The following SPG11 variants were observed in gnomAD, a reference collection of about 807,000 sequenced individuals.
SPG11 encodes SPG11 vesicle trafficking associated, spatacsin, also known as spatacsin.
Under a neutral mutation model 274.0 loss-of-function variants are expected in SPG11, and 222 were observed. The ratio of observed to expected loss-of-function variants is 0.81; its 90% CI spans 0.73 to 0.91. The LOEUF is 0.91. Among genes scored for constraint, SPG11 ranks in the 40% least tolerant of loss-of-function variants. The probability of loss-of-function intolerance (pLI) is 0.00; values close to 1 mark genes in which losing one functional copy is unlikely to be tolerated. For synonymous variants in SPG11, 1,144 were observed against 1,039.7 expected, an observed-to-expected ratio of 1.10 and a Z score of -1.93; for missense variants, 3,114 against 2,872.7, an observed-to-expected ratio of 1.08 and a Z score of -1.92.
In SPG11 at chr15:44,570,434, C is replaced by G. The variant is rs557613710; in HGVS notation, c.6477+91G>C. 7.8e-6 allele frequency: 12 copies of G among 1,545,142 alleles called. No homozygotes were observed. The South Asian group carries it at 1.2e-4, about 15-fold the overall frequency. On this transcript the variant is annotated intron_variant, in intron 34 of 39. Coordinates refer to ENST00000261866, the MANE Select transcript of SPG11 (RefSeq NM_025137.4). ...GTATCCAGATGGGCAGAACCCCCTA[C>G]GACTACATCAGCTCTGGGCTGGCTC...
intron 7 of SPG11, among the ~76,000 whole-genome samples, chr15:44,636,218 G>A (rs2141064008): frequency 6.6e-6 from 1 of 151,906 alleles, no homozygotes; most frequent in Admixed American, 6.6e-5. Flanking sequence ...ACAAACCTAG[G>A]GTCCATGTGA....
intron 30 of SPG11, 43 bp downstream of exon 30, chr15:44,583,771 A>G: frequency 6.2e-7 from 1 of 1,613,610 alleles, no homozygotes; most frequent in Non-Finnish European, 8.5e-7. Context: ...CAGTGCTAAC[A>G]GTGCCATTTA....
At chr15:44,644,156 G>A (rs1430144761) in intron 7 of SPG11, among the ~76,000 whole-genome samples, 1 of 143,080 alleles carries the variant, frequency 7.0e-6, no homozygotes, top group African/African-American at 2.6e-5. Context: ...AACAGAGCAA[G>A]ACTCCATCTC....
chr15:44,580,285 G>A (rs1224461236), intron 30 of SPG11, among the ~76,000 whole-genome samples: 1 of 152,176 alleles, frequency 6.6e-6, no homozygotes. Context: ...TAGTATAGGT[G>A]TGTAGAAGTC....
intron 11 of SPG11, among the ~76,000 whole-genome samples, chr15:44,623,387 A>G (rs933793056): frequency 6.6e-5 from 10 of 152,190 alleles, no homozygotes; most frequent in African/African-American, 2.2e-4. Flanking sequence ...TGGTATGCTG[A>G]TTCAAGTGGA....
chr15:44,626,474 T>C lies in SPG11; in HGVS notation c.2101A>G (p.Ile701Val). 4 of 1,614,016 alleles carry C rather than the reference T, an allele frequency of 2.5e-6. No homozygotes were observed. The highest frequency in any genetic ancestry group is 3.4e-6 in the Non-Finnish European group (4 of 1,179,982). ...CTGAAGAAAGTCTGTGCCTCTGGTA[T>C]TTTGTTGTTTAAAATGGCGCTGGCA... The part of the protein sequence containing the change: ...VIASAILNNK[I>V]PEAQTFFRID... The change falls in exon 11 of 40, where the codon ATA becomes GTA. Residue 701 changes from isoleucine to valine, a missense_variant. Ile to Val is a conservative substitution (Grantham distance 29). Transcript: ENST00000261866.
intron 23 of SPG11, chr15:44,597,215 G>A (rs748659931): frequency 1.3e-4 from 44 of 342,320 alleles, no homozygotes; most frequent in Non-Finnish European, 1.8e-4. Flanking sequence ...CTGGGTTCAA[G>A]CAGTTCTCCT....
intron 35 of SPG11, 29 bp from the exon 36 acceptor site, chr15:44,567,621 G>A (rs771177937): frequency 3.1e-6 from 5 of 1,613,450 alleles, no homozygotes; most frequent in Non-Finnish European, 3.4e-6. Flanking sequence ...AAAAAGCAAG[G>A]TGTCAGTCAG....
rs575360392 is a variant in SPG11, at chr15:44,585,549, C to T, written c.5121+87G>A. ...CCCGAGAGGCGGAGCTTGCAGCGAGCGGAGATCGCGCCACTGCACTCCAGC... is the reference window on the plus strand; with the variant it reads ...CCCGAGAGGCGGAGCTTGCAGCGAGTGGAGATCGCGCCACTGCACTCCAGC... On this transcript the variant is annotated intron_variant, in intron 29 of 39. Transcript: ENST00000261866. 4.9e-5 allele frequency: 53 copies of T among 1,088,152 alleles called. 1 individual carries two copies. Among genetic ancestry groups the T allele is most frequent in the Middle Eastern group, 5.9e-4 (2 of 3,362 alleles). 67.4% of individuals were successfully genotyped at this position (1,088,152 alleles called of 1,614,324 possible).
chr15:44,577,771 C>G (rs1235312669), intron 30 of SPG11, among the ~76,000 whole-genome samples: 1 of 152,066 alleles, frequency 6.6e-6, no homozygotes, highest in African/African-American at 2.4e-5. Context: ...CATTATCCCC[C>G]CTCTAGCAAG....
At chr15:44,569,718 CTTTT>C (rs1047071923) in intron 34 of SPG11, among the ~76,000 whole-genome samples, 2 of 138,368 alleles carry the variant, frequency 1.4e-5, no homozygotes, top group African/African-American at 2.6e-5. Flanking sequence ...ACTGGCTGTT[CTTTT>C]TTTTTTTTTT....
chr15:44,605,348 C>T (rs78981449), intron 20 of SPG11, among the ~76,000 whole-genome samples: 2,309 of 152,216 alleles, frequency 0.015, 35 homozygotes, highest in Middle Eastern at 0.031. Flanking sequence ...AAAACACATA[C>T]ATTAAGAAAT....
chr15:44,630,683 G>A (rs1252200138), intron 8 of SPG11, among the ~76,000 whole-genome samples: 3 of 152,076 alleles, frequency 2.0e-5, no homozygotes, highest in Non-Finnish European at 2.9e-5. Flanking sequence ...CCCTTCAAGC[G>A]ATTCTCCTGC....
At chr15:44,606,172 A>G in intron 19 of SPG11, 81 bp from the exon 20 acceptor site, 1 of 1,240,520 alleles carries the variant, frequency 8.1e-7, no homozygotes, top group Non-Finnish European at 1.2e-6. Context: ...AAAGGACTTC[A>G]GAGGTAGTCT....
At chr15:44,580,449 ATC>A (rs2082636496) in intron 30 of SPG11, among the ~76,000 whole-genome samples, 1 of 152,206 alleles carries the variant, frequency 6.6e-6, no homozygotes, top group African/African-American at 2.4e-5. Flanking sequence ...AACAGAAATT[ATC>A]CAATCTGAAC....
At chr15:44,571,121 A>G (rs1030719929) in intron 33 of SPG11, among the ~76,000 whole-genome samples, 1 of 152,084 alleles carries the variant, frequency 6.6e-6, no homozygotes, top group Non-Finnish European at 1.5e-5. Flanking sequence ...TACTACAATC[A>G]CTGTAAGCAC....
chr15:44,630,237 C>T (rs1190551287), intron 8 of SPG11, among the ~76,000 whole-genome samples: 2 of 152,102 alleles, frequency 1.3e-5, no homozygotes, highest in Non-Finnish European at 2.9e-5. Flanking sequence ...CCTCCCGCTG[C>T]CCCCCGTGGA....
At position 44,629,287 on chromosome 15, in the gene SPG11, G is replaced by C. The variant is rs1342685259; in HGVS notation, c.1837C>G (p.Leu613Val). Residue 613 changes from leucine to valine, a missense_variant, in exon 9 of 40, where the codon CTT (leucine) becomes GTT (valine). Coordinates refer to ENST00000261866, the MANE Select transcript of SPG11 (RefSeq NM_025137.4). ...SKHFSEQLLN[L>V]TLSFLNNQIK... ...TGGTTGTTAAGGAAAGACAGTGTAA[G>C]ATTAAGCAATTGTTCTGAAAAGTGT... The C allele has an allele frequency of 2.5e-6, 4 of 1,613,968 alleles. No homozygotes were observed. The Admixed American group carries it at 6.7e-5, about 27-fold the overall frequency.
At chr15:44,613,251 G>A (rs1270674150) in intron 17 of SPG11, among the ~76,000 whole-genome samples, 179 bp downstream of exon 17, 1 of 152,188 alleles carries the variant, frequency 6.6e-6, no homozygotes, top group African/African-American at 2.4e-5. Context: ...TTGGCTGGCT[G>A]ATGGCTAACC....
Sources: gnomAD v4.1 joint callset for allele counts (sites outside exome capture counted in the v4.1 genomes callset) on GRCh38, gnomAD v4.1.1 for gene constraint, MANE v1.5 for transcripts, NCBI Gene and HGNC (gene_info 2026-07-23, HGNC 2026-07-21) for gene names.